Variants in NIPSNAP3A observed in about 807,000 individuals in gnomAD.
NIPSNAP3A encodes protein NipSnap homolog 3A.
In NIPSNAP3A, 27 loss-of-function variants were observed where a neutral mutation model predicts 32.3. The observed-to-expected ratio is 0.84, with a 90% CI of 0.62 to 1.15. The LOEUF (loss-of-function observed/expected upper bound fraction) is 1.15, where lower values mean the gene tolerates loss of function less well. Among genes scored for constraint, NIPSNAP3A ranks in the 50% most tolerant of loss-of-function variants. NIPSNAP3A has a pLI of 0.00. For synonymous variants in NIPSNAP3A, 108 were observed against 107.3 expected (o/e 1.01, Z -0.04); for missense variants, 278 against 297.2 (o/e 0.94, Z 0.48).
At chr9:104,752,201 A>G (rs1280197128) in intron 2 of NIPSNAP3A, among the ~76,000 whole-genome samples, 1 of 152,166 alleles carries the variant, frequency 6.6e-6, no homozygotes, top group Non-Finnish European at 1.5e-5. Context: ...GCAAATGTAT[A>G]TAACTGTTTG....
rs1827883327 is a variant in NIPSNAP3A, at chr9:104,754,563, T to C, written c.443T>C (p.Leu148Pro). 1 of 1,613,946 alleles carries C rather than the reference T, an allele frequency of 6.2e-7. No homozygotes were observed. The highest frequency in any genetic ancestry group is 1.7e-5 in the Admixed American group (1 of 60,004). ...EKPPKEGVYE[L>P]ATFQMKPGGP... Reference sequence around the variant, plus strand: ...CTCCCTATTCCAGGAGTCTATGAACTGGCCACTTTTCAGATGAAACCTGGT... The same window carrying C: ...CTCCCTATTCCAGGAGTCTATGAACCGGCCACTTTTCAGATGAAACCTGGT... The change falls in exon 4 of 6, where the codon CTG becomes CCG. Residue 148 changes from leucine (L) to proline (P), a missense_variant. Coordinates refer to ENST00000374767, the MANE Select transcript of NIPSNAP3A (RefSeq NM_015469.3).
intron 4 of NIPSNAP3A, among the ~76,000 whole-genome samples, chr9:104,756,312 A>G (rs1174684682): frequency 6.6e-6 from 1 of 152,178 alleles, no homozygotes; most frequent in African/African-American, 2.4e-5. Flanking sequence ...CTATATTTGT[A>G]AGCCAAAAGC....
At position 104,747,745 on chromosome 9, in the gene NIPSNAP3A, C is replaced by G. The variant is rs774343531; in HGVS notation, c.-48C>G. On this transcript the variant is annotated 5_prime_UTR_variant, in exon 1 of 6. Coordinates refer to ENST00000374767, the MANE Select transcript of NIPSNAP3A (RefSeq NM_015469.3). ...CCACTCGGGAAACCTTCAGAGGAGT[C>G]TCAGAAAGGACACGGCTGGCTGCTT... 8.9e-6 allele frequency: 14 copies of G among 1,572,308 alleles called. No homozygotes were observed. The highest frequency in any genetic ancestry group is 1.2e-5 in the Non-Finnish European group (14 of 1,154,918).
chr9:104,757,066 A>G (rs994531569), intron 4 of NIPSNAP3A, among the ~76,000 whole-genome samples: 1 of 152,180 alleles, frequency 6.6e-6, no homozygotes, highest in African/African-American at 2.4e-5. Context: ...AAGTGGTGGG[A>G]TAAGAGGCCT....
Position 104,750,972 on chromosome 9 carries a change from C to G in NIPSNAP3A, c.77C>G (p.Ala26Gly). The change falls in exon 2 of 6, where the codon GCT becomes GGT. Residue 26 changes from alanine to glycine, a missense_variant. Physicochemically the swap from Ala to Gly is moderately conservative, Grantham distance 60. Transcript: ENST00000374767. ...CTTCTTCAGATGTGCTCATCTTTTG[C>G]TACGGGACCCAGACAATACGATGGA... ...TLAPQMCSSF[A>G]TGPRQYDGIF... 1 of 1,613,048 alleles carries G rather than the reference C, an allele frequency of 6.2e-7. No homozygotes were observed. The highest frequency in any genetic ancestry group is 2.2e-5 in the East Asian group (1 of 44,848).
Position 104,759,354 on chromosome 9 carries a change from C to A in NIPSNAP3A, c.*16C>A. ...ACTGAAATAGTTTTCTACTGAAATA[C>A]AAAACATTTCATTAACTGCTATAGG... On this transcript the variant is annotated 3_prime_UTR_variant, in exon 6 of 6. Coordinates refer to ENST00000374767, the MANE Select transcript of NIPSNAP3A (RefSeq NM_015469.3). 6.2e-7 allele frequency: 1 copy of A among 1,602,964 alleles called. No homozygotes were observed. Among genetic ancestry groups the A allele is most frequent in the African/African-American group, 1.3e-5 (1 of 74,802 alleles).
In NIPSNAP3A at chr9:104,750,965, T is replaced by C; in HGVS notation, c.70T>C (p.Ser24Pro). 1 of 1,612,476 alleles carries C rather than the reference T, an allele frequency of 6.2e-7. No individual in the cohort carries two copies. Among genetic ancestry groups the C allele is most frequent in the Non-Finnish European group, 8.5e-7 (1 of 1,178,488 alleles). ...SRTLAPQMCS[S>P]FATGPRQYDG... ...GTCTTATCTTCTTCAGATGTGCTCATCTTTTGCTACGGGACCCAGACAATA... is the reference window on the plus strand; with the variant it reads ...GTCTTATCTTCTTCAGATGTGCTCACCTTTTGCTACGGGACCCAGACAATA... The change falls in exon 2 of 6, where the codon TCT (serine) becomes CCT (proline). Residue 24 changes from serine (S) to proline (P), a missense_variant. Ser to Pro is a moderately conservative substitution (Grantham distance 74, BLOSUM62 -1). Transcript: ENST00000374767.
At chr9:104,750,013 T>G (rs564666452) in intron 1 of NIPSNAP3A, among the ~76,000 whole-genome samples, 1 of 152,386 alleles carries the variant, frequency 6.6e-6, no homozygotes, top group East Asian at 1.9e-4. Context: ...ATTCCAGTCC[T>G]AATTTTGGTC....
In NIPSNAP3A at chr9:104,754,604, G is replaced by A. The variant is rs150391585; in HGVS notation, c.484G>A (p.Gly162Ser). 1 of 1,614,014 alleles carries A rather than the reference G, an allele frequency of 6.2e-7. No individual in the cohort carries two copies. Among genetic ancestry groups the A allele is most frequent in the Non-Finnish European group, 8.5e-7 (1 of 1,179,938 alleles). The part of the protein sequence containing the change: ...QMKPGGPALW[G>S]DAFKRAVHAH... ...GAAACCTGGTGGGCCAGCTCTGTGGGGTGATGCATTTAAAAGGGCAGTTCA... is the reference window on the plus strand; with the variant it reads ...GAAACCTGGTGGGCCAGCTCTGTGGAGTGATGCATTTAAAAGGGCAGTTCA... Residue 162 changes from glycine to serine, a missense_variant, in exon 4 of 6, where the codon GGT becomes AGT. Gly to Ser is a moderately conservative substitution (Grantham distance 56). Coordinates refer to ENST00000374767, the MANE Select transcript of NIPSNAP3A (RefSeq NM_015469.3).
In NIPSNAP3A at chr9:104,759,117, A is replaced by G; in HGVS notation, c.613A>G (p.Ser205Gly). 6.2e-7 allele frequency: 1 copy of G among 1,613,168 alleles called. No individual in the cohort carries two copies. The change falls in exon 5 of 6, where the codon AGT (serine) becomes GGT (glycine). Residue 205 changes from serine to glycine, a missense_variant. Coordinates refer to ENST00000374767, the MANE Select transcript of NIPSNAP3A (RefSeq NM_015469.3). The stretch of plus-strand genomic sequence containing the variant: ...TCTTTGGTGGAATGAGAGTGCAGAT[A>G]GTCGTGCAGCTGGGAGACATAAGTC... ...HVLWWNESAD[S>G]RAAGRHKSHE...
At chr9:104,748,689 AAAG>A (rs1455462301) in intron 1 of NIPSNAP3A, among the ~76,000 whole-genome samples, 3 of 152,180 alleles carry the variant, frequency 2.0e-5, no homozygotes, top group African/African-American at 7.2e-5. Flanking sequence ...GAGGAGCACT[AAAG>A]AAGAGCAGCT....
intron 1 of NIPSNAP3A, among the ~76,000 whole-genome samples, chr9:104,748,719 G>C (rs1191543391): frequency 6.6e-6 from 1 of 152,260 alleles, no homozygotes; most frequent in African/African-American, 2.4e-5. Context: ...CATTCACCCC[G>C]GGTTAACAAT....
intron 2 of NIPSNAP3A, among the ~76,000 whole-genome samples, 178 bp from the exon 3 acceptor site, chr9:104,752,728 T>G (rs1827860472): frequency 1.3e-5 from 2 of 152,348 alleles, no homozygotes; most frequent in South Asian, 4.1e-4. Context: ...ACTGCCCTTT[T>G]TGTCCTTGAG....
intron 4 of NIPSNAP3A, among the ~76,000 whole-genome samples, chr9:104,756,118 CAG>C (rs1041395484): frequency 2.0e-5 from 3 of 151,992 alleles, no homozygotes; most frequent in African/African-American, 4.8e-5. Context: ...TATATAAAAA[CAG>C]ATGTATATTC....
At chr9:104,749,882 AT>A (rs1012296493) in intron 1 of NIPSNAP3A, among the ~76,000 whole-genome samples, 18 of 91,330 alleles carry the variant, frequency 2.0e-4, no homozygotes, top group African/African-American at 9.4e-4. Flanking sequence ...TTCACATTGC[AT>A]CTGTAATTAG....
chr9:104,758,613 T>C (rs116383481), intron 4 of NIPSNAP3A, among the ~76,000 whole-genome samples: 1,712 of 152,208 alleles, frequency 0.011, 30 homozygotes, highest in African/African-American at 0.039. Flanking sequence ...TGAAATCTTA[T>C]CAGTAACATA....
At chr9:104,755,591 G>A (rs1827897026) in intron 4 of NIPSNAP3A, among the ~76,000 whole-genome samples, 1 of 152,022 alleles carries the variant, frequency 6.6e-6, no homozygotes, top group Non-Finnish European at 1.5e-5. Flanking sequence ...AAGATTTTTT[G>A]TGGCAAATTC....
chr9:104,748,008 C>T (rs1827797853), intron 1 of NIPSNAP3A, among the ~76,000 whole-genome samples, 156 bp downstream of exon 1: 1 of 152,226 alleles, frequency 6.6e-6, no homozygotes, highest in African/African-American at 2.4e-5. Flanking sequence ...CCCCGGAACC[C>T]CAAGACAGGG....
intron 4 of NIPSNAP3A, among the ~76,000 whole-genome samples, chr9:104,755,956 T>C (rs982653240): frequency 6.6e-6 from 1 of 152,076 alleles, no homozygotes; most frequent in African/African-American, 2.4e-5. Flanking sequence ...GATAAATGTC[T>C]AAGAATAGCT....
Sources: gnomAD v4.1 joint callset for allele counts (sites outside exome capture counted in the v4.1 genomes callset) on GRCh38, gnomAD v4.1.1 for gene constraint, MANE v1.5 for transcripts, NCBI Gene and HGNC (gene_info 2026-07-23, HGNC 2026-07-21) for gene names.